The following VAV2 variants were observed in gnomAD, a reference collection of about 807,000 sequenced individuals.
VAV2 encodes the protein guanine nucleotide exchange factor VAV2.
VAV2 carries 67 observed loss-of-function variants against 132.5 expected under a neutral mutation model. The ratio of observed to expected loss-of-function variants is 0.51; its 90% CI spans 0.42 to 0.62. The LOEUF (loss-of-function observed/expected upper bound fraction) is 0.62, where lower values mean the gene tolerates loss of function less well. Ranked by LOEUF, VAV2 falls within the 20% of genes least tolerant of loss-of-function variation. The pLI, the probability that VAV2 is intolerant of heterozygous loss-of-function variation, is 0.00. For missense variants in VAV2, 938 were observed against 1,153.6 expected (o/e 0.81, Z 2.71); for synonymous variants, 492 against 443.5 (o/e 1.11, Z -1.37).
At chr9:133,979,565 A>G (rs1232768272) in intron 1 of VAV2, among the ~76,000 whole-genome samples, 1 of 152,070 alleles carries the variant, frequency 6.6e-6, no homozygotes, top group African/African-American at 2.4e-5. Flanking sequence ...GCAAATGAAG[A>G]CTTCCTGCAG....
chr9:133,771,927 G>A (rs1388536125), intron 26 of VAV2, 32 bp downstream of exon 26: 9 of 1,603,820 alleles, frequency 5.6e-6, no homozygotes, highest in Non-Finnish European at 6.0e-6. Flanking sequence ...TGTGGCTGGG[G>A]TGGGAGCCGG....
intron 2 of VAV2, among the ~76,000 whole-genome samples, chr9:133,892,841 G>A (rs529132421): frequency 6.6e-6 from 1 of 152,288 alleles, no homozygotes; most frequent in African/African-American, 2.4e-5. Context: ...CCCAGCCTTG[G>A]CAATAAAAAG....
chr9:133,892,576 G>A (rs1241782100), intron 2 of VAV2, among the ~76,000 whole-genome samples: 8 of 152,074 alleles, frequency 5.3e-5, no homozygotes, highest in Non-Finnish European at 1.0e-4. Context: ...CGGCCAAAGG[G>A]CAGCCGAGCA....
At chr9:133,849,869 A>G (rs1837097289) in intron 3 of VAV2, among the ~76,000 whole-genome samples, 1 of 152,126 alleles carries the variant, frequency 6.6e-6, no homozygotes, top group South Asian at 2.1e-4. Context: ...CAGGTAATTC[A>G]GGATGATCTC....
chr9:133,954,381 C>T (rs898477974), intron 1 of VAV2, among the ~76,000 whole-genome samples: 5 of 152,244 alleles, frequency 3.3e-5, no homozygotes, highest in South Asian at 2.1e-4. Context: ...GGAGCAAGTG[C>T]GCGTGAGACG....
intron 1 of VAV2, among the ~76,000 whole-genome samples, chr9:133,952,400 G>A (rs1489071876): frequency 2.6e-5 from 4 of 152,098 alleles, no homozygotes; most frequent in East Asian, 3.9e-4. Flanking sequence ...TCAGGAGTTC[G>A]AGAACAGCCT....
At position 133,960,715 on chromosome 9, in the gene VAV2, G is replaced by A. The variant is rs116622991; in HGVS notation, c.205-21496C>T. Among the ~76,000 whole-genome samples the A allele has an allele frequency of 1.1e-3, 172 of 152,330 alleles. 3 individuals are homozygous for A. The highest frequency in any genetic ancestry group is 7.7e-3 in the South Asian group (37 of 4,830). On this transcript the variant is annotated intron_variant, in intron 1 of 29. Coordinates refer to ENST00000371850, the MANE Select transcript of VAV2 (RefSeq NM_001134398.2). ...CCAGGCTCTTTCCTCCCCCAGCCCCGGCATGTGGCGCTTTGTCTGCCTGAC... is the reference window on the plus strand; with the variant it reads ...CCAGGCTCTTTCCTCCCCCAGCCCCAGCATGTGGCGCTTTGTCTGCCTGAC...
chr9:133,861,047 GC>G (rs1837573547), intron 3 of VAV2, among the ~76,000 whole-genome samples: 1 of 152,234 alleles, frequency 6.6e-6, no homozygotes, highest in Non-Finnish European at 1.5e-5. Flanking sequence ...TCTCGGCACA[GC>G]CCCCGGTTCT....
chr9:133,942,524 G>T (rs760145302), intron 1 of VAV2, among the ~76,000 whole-genome samples: 1 of 152,266 alleles, frequency 6.6e-6, no homozygotes. Context: ...GCTCATCTGC[G>T]CGGCTGCATG....
At chr9:133,916,229 G>A (rs1359114987) in intron 2 of VAV2, among the ~76,000 whole-genome samples, 1 of 152,270 alleles carries the variant, frequency 6.6e-6, no homozygotes, top group Non-Finnish European at 1.5e-5. Context: ...AGGCTCCATG[G>A]AGGAGGCGGA....
chr9:133,889,763 A>ACACAC (rs71930231), intron 2 of VAV2, among the ~76,000 whole-genome samples: 4 of 151,652 alleles, frequency 2.6e-5, no homozygotes, highest in Admixed American at 6.6e-5. Flanking sequence ...CACACACACA[A>ACACAC]AAAATTTTTT....
At chr9:133,990,288 C>T (rs962873605) in intron 1 of VAV2, among the ~76,000 whole-genome samples, 2 of 152,164 alleles carry the variant, frequency 1.3e-5, no homozygotes, top group African/African-American at 4.8e-5. Flanking sequence ...GTCCACCCCC[C>T]AGCAGCAGGG....
chr9:133,786,518 GCAGGGCCCCACC>G (rs1298422388), intron 16 of VAV2, among the ~76,000 whole-genome samples: 1 of 152,052 alleles, frequency 6.6e-6, no homozygotes, highest in Non-Finnish European at 1.5e-5. Flanking sequence ...AAGGATGAGC[GCAGGGCCCCACC>G]CAGGGCCCCT....
At chr9:133,767,012 T>C (rs1243233433) in intron 29 of VAV2, among the ~76,000 whole-genome samples, 1 of 151,526 alleles carries the variant, frequency 6.6e-6, no homozygotes, top group African/African-American at 2.4e-5. Flanking sequence ...AACAAACCAA[T>C]GTAGGGCAGG....
intron 21 of VAV2, 115 bp downstream of exon 21, chr9:133,779,803 C>G: frequency 7.1e-7 from 1 of 1,418,062 alleles, no homozygotes; most frequent in Non-Finnish European, 9.6e-7. Context: ...ATCCAGGAGC[C>G]TGGAGCGTCT....
chr9:133,834,135 G>T lies in VAV2; in HGVS notation c.449+137C>A. The stretch of plus-strand genomic sequence containing the variant: ...CCCACACCATGACCCATCATGAGGA[G>T]ATGCCCCGGTGGGAAGGGCCAGGGC... On this transcript the variant is annotated intron_variant, in intron 4 of 29. Coordinates refer to ENST00000371850, the MANE Select transcript of VAV2 (RefSeq NM_001134398.2). The surrounding 1 kb of genome is among the most constrained non-coding windows in gnomAD (Gnocchi z 5.9). 2.1e-6 allele frequency: 2 copies of T among 942,786 alleles called. No homozygotes were observed. The highest frequency in any genetic ancestry group is 3.2e-6 in the Non-Finnish European group (2 of 625,740). 58.4% of individuals were successfully genotyped at this position (942,786 alleles called of 1,614,324 possible). A position where few individuals can be genotyped will look rare whatever the true frequency, so the allele number is the denominator to read the frequency against.
intron 1 of VAV2, among the ~76,000 whole-genome samples, chr9:133,947,355 C>T (rs1466567660): frequency 6.6e-6 from 1 of 152,144 alleles, no homozygotes; most frequent in African/African-American, 2.4e-5. Flanking sequence ...CCCTTATCAC[C>T]CATTTTACAG....
At chr9:133,872,835 C>T (rs1838113504) in intron 2 of VAV2, among the ~76,000 whole-genome samples, 1 of 152,030 alleles carries the variant, frequency 6.6e-6, no homozygotes, top group South Asian at 2.1e-4. Context: ...GAAAAGCACA[C>T]AAGGGGGTGG....
rs117919546 is a variant in VAV2, at chr9:133,852,053, T to G, written c.380+9321A>C. ...ATGTATGGATGGATGGATGTATGGA[T>G]GGATGGATAAATGAGTGACAGACGG... On this transcript the variant is annotated intron_variant, in intron 3 of 29. Transcript: ENST00000371850. 2.8e-4 allele frequency among the ~76,000 whole-genome samples: 43 copies of G among 151,826 alleles called. 1 individual carries two copies. In the East Asian group the frequency reaches 8.4e-3, roughly 30 times the overall value.
Sources: gnomAD v4.1 joint callset for allele counts (sites outside exome capture counted in the v4.1 genomes callset) on GRCh38, gnomAD v4.1.1 for gene constraint, Gnocchi (gnomAD v3.1) non-coding constraint, MANE v1.5 for transcripts, NCBI Gene and HGNC (gene_info 2026-07-23, HGNC 2026-07-21) for gene names.